The following HMBOX1 variants were observed in gnomAD, a reference collection of about 807,000 sequenced individuals.
HMBOX1 encodes the protein homeobox containing 1.
In HMBOX1, 14 loss-of-function variants were observed where a neutral mutation model predicts 54.5. That is an observed-to-expected ratio of 0.26 (90% CI 0.17 to 0.40). The LOEUF is 0.40. HMBOX1 is among the 10% of genes least tolerant of loss of function. HMBOX1 has a pLI of 1.00. For synonymous variants in HMBOX1, 160 were observed against 181.0 expected, an observed-to-expected ratio of 0.88 and a Z score of 0.93; for missense variants, 332 against 514.4, an observed-to-expected ratio of 0.65 and a Z score of 3.43.
intron 1 of HMBOX1, among the ~76,000 whole-genome samples, chr8:28,932,291 C>G (rs192575343): frequency 3.9e-5 from 6 of 152,232 alleles, no homozygotes; most frequent in African/African-American, 1.4e-4. Context: ...AAATTTTATC[C>G]TATGTACAGT....
intron 1 of HMBOX1, among the ~76,000 whole-genome samples, chr8:28,952,449 G>A (rs1302925606): frequency 6.6e-6 from 1 of 152,052 alleles, no homozygotes; most frequent in African/African-American, 2.4e-5. Context: ...AGCCAGGCTG[G>A]TCTCAAACTC....
In HMBOX1 at chr8:29,052,617, T is replaced by C. The variant is rs1408768658; in HGVS notation, c.*1462T>C. 3 of 152,218 alleles carry C rather than the reference T, an allele frequency of 2.0e-5. No homozygotes were observed. The highest frequency in any genetic ancestry group is 2.4e-5 in the African/African-American group (1 of 41,438). The allele number at this position is 152,218 out of a possible 1,614,324, so 9.4% of individuals were successfully genotyped here. A position where few individuals can be genotyped will look rare whatever the true frequency, so the allele number is the denominator to read the frequency against. On this transcript the variant is annotated 3_prime_UTR_variant, in exon 10 of 10. Transcript: ENST00000287701. ...ACCCTGTGATCACCTTGTCATCTAG[T>C]AGCAAAATGATGAACTATTCATGCA...
At chr8:28,897,145 C>G (rs762301055) in intron 1 of HMBOX1, among the ~76,000 whole-genome samples, 7 of 151,848 alleles carry the variant, frequency 4.6e-5, no homozygotes, top group Non-Finnish European at 5.9e-5. Flanking sequence ...GCCACCATGC[C>G]CGGCTAATTT....
chr8:28,970,201 T>G lies in HMBOX1; in HGVS notation c.182T>G (p.Phe61Cys), dbSNP rs762151065. 1.9e-6 allele frequency: 3 copies of G among 1,614,208 alleles called. No individual in the cohort carries two copies. Among genetic ancestry groups the G allele is most frequent in the Non-Finnish European group, 2.5e-6 (3 of 1,180,040 alleles). The change falls in exon 3 of 10, where the codon TTT becomes TGT. Residue 61 changes from phenylalanine to cysteine, a missense_variant. Physicochemically the swap from Phe to Cys is radical, Grantham distance 205. Transcript: ENST00000287701. This position sits in a 1 kb window ranked among gnomAD's most constrained non-coding sequence, Gnocchi z 4.3. ...CTTGATCAAGAGCATAGTGACAAGT[T>G]TGGAAGAAGGTCCAGCTATGGAGGA... The part of the protein sequence containing the change: ...DRLDQEHSDK[F>C]GRRSSYGGSS...
chr8:28,973,971 C>T (rs1158126561), intron 3 of HMBOX1, among the ~76,000 whole-genome samples: 1 of 151,534 alleles, frequency 6.6e-6, no homozygotes, highest in African/African-American at 2.4e-5. Flanking sequence ...GCACCACCAC[C>T]CCCAGCTAAT....
chr8:29,016,845 TAGTG>T (rs1835098068), intron 5 of HMBOX1, among the ~76,000 whole-genome samples: 1 of 152,260 alleles, frequency 6.6e-6, no homozygotes, highest in Admixed American at 6.5e-5. Flanking sequence ...ACAGATGTCA[TAGTG>T]TCTTCTGTAT....
chr8:29,045,720 G>T (rs929716384), intron 7 of HMBOX1, among the ~76,000 whole-genome samples: 2 of 152,198 alleles, frequency 1.3e-5, no homozygotes, highest in African/African-American at 2.4e-5. Flanking sequence ...TTAATGTGTA[G>T]ATTTCCTTTT....
chr8:29,030,096 T>C (rs1445296022), intron 6 of HMBOX1, among the ~76,000 whole-genome samples: 2 of 152,086 alleles, frequency 1.3e-5, no homozygotes, highest in African/African-American at 4.8e-5. Context: ...CCAACTCTGT[T>C]GTTAGTTTTG....
chr8:29,003,942 A>G (rs1302673466), intron 4 of HMBOX1, among the ~76,000 whole-genome samples: 2 of 152,118 alleles, frequency 1.3e-5, no homozygotes, highest in Non-Finnish European at 2.9e-5. Flanking sequence ...TTTTTCTTAT[A>G]GTTACTGCAA....
chr8:28,900,271 A>AAAAAT (rs747317282), intron 1 of HMBOX1, among the ~76,000 whole-genome samples: 1,070 of 70,364 alleles, frequency 0.015, 18 homozygotes, highest in South Asian at 0.036. Flanking sequence ...AAAAAAAAAA[A>AAAAAT]ATATATATAT....
At chr8:28,945,297 C>G (rs1186220922) in intron 1 of HMBOX1, among the ~76,000 whole-genome samples, 2 of 152,166 alleles carry the variant, frequency 1.3e-5, no homozygotes, top group Non-Finnish European at 2.9e-5. Context: ...GAGGGCTTAA[C>G]AAGATTAAGA....
At chr8:28,911,480 C>T (rs1229525487) in intron 1 of HMBOX1, among the ~76,000 whole-genome samples, 4 of 152,146 alleles carry the variant, frequency 2.6e-5, no homozygotes, top group East Asian at 1.9e-4. Context: ...CTCAGCCTGG[C>T]GAGTAGCTAG....
intron 1 of HMBOX1, among the ~76,000 whole-genome samples, chr8:28,896,675 G>C (rs560985213): frequency 8.1e-6 from 1 of 124,016 alleles, no homozygotes; most frequent in Non-Finnish European, 2.0e-5. Context: ...TTTCCAGTGC[G>C]TTACAGTTGC....
chr8:29,043,394 C>G (rs1305930404), intron 6 of HMBOX1, among the ~76,000 whole-genome samples: 1 of 152,274 alleles, frequency 6.6e-6, no homozygotes, highest in Non-Finnish European at 1.5e-5. Context: ...GCCAACAACA[C>G]TGAACACGCC....
chr8:29,046,983 A>G (rs1805663514), intron 7 of HMBOX1, among the ~76,000 whole-genome samples: 1 of 152,238 alleles, frequency 6.6e-6, no homozygotes, highest in South Asian at 2.1e-4. Flanking sequence ...CCCTTTCTCA[A>G]AAAAATAAAA....
intron 1 of HMBOX1, among the ~76,000 whole-genome samples, chr8:28,919,407 G>A (rs531103203): frequency 2.6e-5 from 4 of 152,084 alleles, no homozygotes; most frequent in East Asian, 3.9e-4. Flanking sequence ...AAAATGATTC[G>A]GGAAATGTTT....
chr8:28,917,711 G>C (rs1198379997), intron 1 of HMBOX1, among the ~76,000 whole-genome samples: 1 of 152,026 alleles, frequency 6.6e-6, no homozygotes, highest in Non-Finnish European at 1.5e-5. Flanking sequence ...AGTTTAAGGA[G>C]GTTCTATTTC....
intron 2 of HMBOX1, among the ~76,000 whole-genome samples, chr8:28,966,126 ATCT>A (rs1428951181): frequency 6.6e-6 from 1 of 152,148 alleles, no homozygotes; most frequent in African/African-American, 2.4e-5. Flanking sequence ...GAATGCTTTA[ATCT>A]TCTTTGCTCT....
At chr8:28,918,114 T>C (rs1373991863) in intron 1 of HMBOX1, among the ~76,000 whole-genome samples, 1 of 152,238 alleles carries the variant, frequency 6.6e-6, no homozygotes, top group Non-Finnish European at 1.5e-5. Flanking sequence ...CCAGTGAAAC[T>C]ATCCAGGCCT....
Sources: allele counts gnomAD v4.1 joint callset (sites outside exome capture counted in the v4.1 genomes callset), GRCh38; gene constraint gnomAD v4.1.1; non-coding constraint Gnocchi (gnomAD v3.1); transcripts MANE v1.5; gene names NCBI Gene and HGNC (gene_info 2026-07-23, HGNC 2026-07-21).